STK10: variants seen among roughly 807,000 people sequenced by gnomAD.
STK10 encodes serine/threonine-protein kinase 10.
In STK10, 78 loss-of-function variants were observed where a neutral mutation model predicts 113.8. The observed-to-expected ratio is 0.69, with a 90% CI of 0.57 to 0.83. The LOEUF (loss-of-function observed/expected upper bound fraction) is 0.83, where lower values mean the gene tolerates loss of function less well. Ranked by LOEUF, STK10 falls within the 40% of genes least tolerant of loss-of-function variation. The pLI is 0.00. For synonymous variants in STK10, 465 were observed against 494.7 expected (o/e 0.94, Z 0.80); for missense variants, 1,109 against 1,280.1 (o/e 0.87, Z 2.04).
Position 172,068,941 on chromosome 5 carries a change from A to G in STK10, c.1990-4129T>C, listed in dbSNP as rs116361420. ...ATTATAACAAAATTGAGAAAGTATC[A>G]AGAAATTTACATGGTTGTAAAGGTA... On this transcript the variant is annotated intron_variant, in intron 12 of 18. Transcript: ENST00000176763. 7.9e-3 allele frequency among the ~76,000 whole-genome samples: 1,204 copies of G among 152,190 alleles called. 15 individuals carry two copies. Among genetic ancestry groups the G allele is most frequent in the African/African-American group, 0.028 (1,148 of 41,502 alleles).
At chr5:172,114,473 A>ATATATATATATTTTTTTT (rs1226289994) in intron 4 of STK10, 1 of 47,538 alleles carries the variant, frequency 2.1e-5, no homozygotes, top group African/African-American at 1.4e-4. Context: ...ATATATATAT[A>ATATATATATATTTTTTTT]TTTTTTTTTT....
chr5:172,092,941 T>C (rs574042259), intron 9 of STK10: 405 of 154,698 alleles, frequency 2.6e-3, no homozygotes, highest in Non-Finnish European at 4.2e-3. Flanking sequence ...AAGGAGCCTG[T>C]CTGTTCTTTT....
At chr5:172,145,030 C>T (rs1215478799) in intron 2 of STK10, among the ~76,000 whole-genome samples, 1 of 152,164 alleles carries the variant, frequency 6.6e-6, no homozygotes, top group Non-Finnish European at 1.5e-5. Flanking sequence ...GTCCCCTGAG[C>T]TTGAGTCCAT....
chr5:172,105,609 T>C (rs751446487), intron 7 of STK10, 47 bp downstream of exon 7: 1 of 1,600,686 alleles, frequency 6.2e-7, no homozygotes, highest in East Asian at 2.2e-5. Flanking sequence ...GGTGAGTTCA[T>C]TAGGCTCCAC....
At chr5:172,083,925 G>GAA (rs58326550) in intron 10 of STK10, among the ~76,000 whole-genome samples, 17,568 of 85,372 alleles carry the variant, frequency 0.21, 1,220 homozygotes, top group Non-Finnish European at 0.22. Flanking sequence ...ACAAAAAAAA[G>GAA]AAAAAAAAAA....
At chr5:172,167,842 C>T (rs569177838) in intron 1 of STK10, among the ~76,000 whole-genome samples, 6 of 152,220 alleles carry the variant, frequency 3.9e-5, no homozygotes, top group Non-Finnish European at 8.8e-5. Context: ...CCCTCTCTGG[C>T]AGAAAATGCC....
At chr5:172,062,669 T>A (rs1767960840) in intron 13 of STK10, among the ~76,000 whole-genome samples, 2 of 152,242 alleles carry the variant, frequency 1.3e-5, no homozygotes, top group South Asian at 4.1e-4. Context: ...ATTCTATGAT[T>A]CCACTTACAT....
At chr5:172,056,185 T>A (rs1767750324) in intron 15 of STK10, among the ~76,000 whole-genome samples, 1 of 152,244 alleles carries the variant, frequency 6.6e-6, no homozygotes, top group Non-Finnish European at 1.5e-5. Context: ...AGCATGGGCA[T>A]CACCTCCTCC....
intron 13 of STK10, among the ~76,000 whole-genome samples, chr5:172,062,569 A>G (rs1767959072): frequency 6.6e-6 from 1 of 152,246 alleles, no homozygotes; most frequent in East Asian, 1.9e-4. Context: ...TCAGCCTTAA[A>G]AAGGAAGGAA....
At chr5:172,136,829 AT>A (rs56159871) in intron 2 of STK10, among the ~76,000 whole-genome samples, 32,100 of 147,030 alleles carry the variant, frequency 0.22, 3,448 homozygotes, top group Non-Finnish European at 0.25. Context: ...ATTATTATCT[AT>A]TTTTTTTTTT....
intron 4 of STK10, chr5:172,114,599 C>T (rs955727544): frequency 2.0e-5 from 3 of 147,932 alleles, no homozygotes; most frequent in African/African-American, 7.5e-5. Flanking sequence ...TCTCCTACCT[C>T]AGCCTCCCGA....
At position 172,127,078 on chromosome 5, in the gene STK10, G is replaced by C. The variant is rs532452331; in HGVS notation, c.370+295C>G. ...GGCTACTCAGGAGGCTGAGGCAGGA[G>C]AGTCATTTGAACCCGGGAGGCGGAG... On this transcript the variant is annotated intron_variant, in intron 3 of 18. Coordinates refer to ENST00000176763, the MANE Select transcript of STK10 (RefSeq NM_005990.4). Among the ~76,000 whole-genome samples the C allele has an allele frequency of 3.3e-4, 51 of 152,308 alleles. No homozygotes were observed. In the Middle Eastern group the frequency reaches 0.01, roughly 30 times the overall value.
intron 7 of STK10, among the ~76,000 whole-genome samples, chr5:172,104,225 T>C (rs1769052451): frequency 6.6e-6 from 1 of 152,200 alleles, no homozygotes; most frequent in Non-Finnish European, 1.5e-5. Flanking sequence ...AGGGCAGCCC[T>C]GTTGCATCAC....
intron 2 of STK10, among the ~76,000 whole-genome samples, chr5:172,130,647 G>A (rs1460351713): frequency 6.6e-6 from 1 of 152,136 alleles, no homozygotes. Context: ...TGTAAACCTG[G>A]GGTCGAGTCC....
chr5:172,053,324 C>G, intron 17 of STK10: 1 of 347,510 alleles, frequency 2.9e-6, no homozygotes, highest in South Asian at 3.1e-5. Context: ...AGGCAGCTGT[C>G]CGCAAGCCAG....
At chr5:172,045,127 C>T (rs1014476974) in intron 18 of STK10, 105 bp from the exon 19 acceptor site, 32 of 1,491,542 alleles carry the variant, frequency 2.1e-5, no homozygotes, top group Non-Finnish European at 2.9e-5. Context: ...GGAACATTCC[C>T]TTCCAGGCCT....
At chr5:172,168,299 T>C (rs1770605670) in intron 1 of STK10, among the ~76,000 whole-genome samples, 2 of 152,242 alleles carry the variant, frequency 1.3e-5, no homozygotes, top group South Asian at 4.1e-4. Context: ...GGGCTGCGAC[T>C]CTATTTAGGA....
At chr5:172,107,245 A>G (rs1021029966) in intron 5 of STK10, among the ~76,000 whole-genome samples, 8 of 152,220 alleles carry the variant, frequency 5.3e-5, no homozygotes, top group African/African-American at 1.9e-4. Context: ...CAAACTACAC[A>G]ATGGCAAGTA....
intron 15 of STK10, among the ~76,000 whole-genome samples, chr5:172,056,649 C>T (rs1767768360): frequency 1.3e-5 from 2 of 151,854 alleles, no homozygotes; most frequent in South Asian, 4.1e-4. Flanking sequence ...GGGCAGATCA[C>T]TTGAGGTCAG....
Sources: gnomAD v4.1 joint callset for allele counts (sites outside exome capture counted in the v4.1 genomes callset) on GRCh38, gnomAD v4.1.1 for gene constraint, MANE v1.5 for transcripts, NCBI Gene and HGNC (gene_info 2026-07-23, HGNC 2026-07-21) for gene names.